The following DOCK4 variants were observed in gnomAD, a reference collection of about 807,000 sequenced individuals.
DOCK4 encodes dedicator of cytokinesis protein 4.
In DOCK4, 97 loss-of-function variants were observed where a neutral mutation model predicts 268.1. That is an observed-to-expected ratio of 0.36 (90% CI 0.31 to 0.43). The LOEUF is 0.43. Ranked by LOEUF, DOCK4 falls within the 20% of genes least tolerant of loss-of-function variation. The pLI, the probability that DOCK4 is intolerant of heterozygous loss-of-function variation, is 1.00. For missense variants in DOCK4, 2,145 were observed against 2,455.7 expected (o/e 0.87, Z 2.67); for synonymous variants, 954 against 887.2 (o/e 1.08, Z -1.34).
chr7:111,909,187 C>T (rs1562874063), intron 13 of DOCK4, among the ~76,000 whole-genome samples: 1 of 152,218 alleles, frequency 6.6e-6, no homozygotes, highest in Non-Finnish European at 1.5e-5. Flanking sequence ...TGTTTCCTGA[C>T]TTACTAATAA....
chr7:112,150,539 G>C (rs1045252669), intron 1 of DOCK4, among the ~76,000 whole-genome samples: 3 of 152,116 alleles, frequency 2.0e-5, no homozygotes, highest in Non-Finnish European at 4.4e-5. Flanking sequence ...CTATTCAAAA[G>C]CAAGTCAATC....
chr7:111,796,973 T>G (rs1034934713), intron 30 of DOCK4, among the ~76,000 whole-genome samples: 9 of 152,226 alleles, frequency 5.9e-5, no homozygotes, highest in African/African-American at 2.2e-4. Flanking sequence ...AGTCGGAGAA[T>G]GCTCCCTGTC....
chr7:112,139,232 T>C (rs1814661055), intron 1 of DOCK4, among the ~76,000 whole-genome samples: 1 of 152,142 alleles, frequency 6.6e-6, no homozygotes, highest in African/African-American at 2.4e-5. Flanking sequence ...GCAAATGGTA[T>C]GGAGGCTGGC....
chr7:111,952,305 C>G (rs1796118600), intron 8 of DOCK4, among the ~76,000 whole-genome samples: 1 of 152,120 alleles, frequency 6.6e-6, no homozygotes, highest in African/African-American at 2.4e-5. Flanking sequence ...AAATGTTCTT[C>G]CTGGTCATGC....
chr7:112,018,142 T>C (rs1366581889), intron 1 of DOCK4, among the ~76,000 whole-genome samples: 1 of 17,088 alleles, frequency 5.9e-5, no homozygotes, highest in Non-Finnish European at 8.4e-5. Context: ...AGACTCCAGC[T>C]CAAAAAAAAA....
chr7:112,202,755 T>C (rs554744624), intron 1 of DOCK4, among the ~76,000 whole-genome samples: 61 of 150,772 alleles, frequency 4.0e-4, no homozygotes, highest in African/African-American at 1.4e-3. Flanking sequence ...CAAAACCCTG[T>C]CTCTAAATTA....
At chr7:112,017,896 C>T (rs1801950805) in intron 1 of DOCK4, among the ~76,000 whole-genome samples, 1 of 152,064 alleles carries the variant, frequency 6.6e-6, no homozygotes, top group Admixed American at 6.6e-5. Flanking sequence ...TATAGGAACA[C>T]TCACATCATT....
At chr7:111,946,958 A>G (rs1795672156) in intron 8 of DOCK4, among the ~76,000 whole-genome samples, 1 of 152,204 alleles carries the variant, frequency 6.6e-6, no homozygotes, top group Non-Finnish European at 1.5e-5. Flanking sequence ...AAACCCACAA[A>G]AAATTAATCT....
At chr7:111,853,283 T>C (rs1008804608) in intron 23 of DOCK4, among the ~76,000 whole-genome samples, 1 of 151,716 alleles carries the variant, frequency 6.6e-6, no homozygotes, top group African/African-American at 2.4e-5. Context: ...CACACAAGGG[T>C]TGGCCGTTAC....
intron 3 of DOCK4, among the ~76,000 whole-genome samples, chr7:111,999,108 G>A (rs1361572246): frequency 6.6e-6 from 1 of 152,002 alleles, no homozygotes; most frequent in Non-Finnish European, 1.5e-5. Context: ...ACAAGGCAAG[G>A]AAATTGTTTC....
rs1795537937 is a variant in DOCK4 at position 111,736,933 on chromosome 7, G to C, written c.5289C>G (p.Leu1763=). The change falls in exon 50 of 53, where the codon CTC becomes CTG. Residue 1763 remains leucine (L), a synonymous_variant. Coordinates refer to ENST00000428084, the MANE Select transcript of DOCK4 (RefSeq NM_001363540.2). ...TGGCCTTACCTTTTTCAGGTGCAGA[G>C]AGATTTGGGTCACTGCGTGGCAAGG... The part of the protein sequence containing the change: ...DGALPRSDPN[L]SAPEKAVNPT... 6.2e-7 allele frequency: 1 copy of C among 1,603,316 alleles called. No individual in the cohort carries two copies. The highest frequency in any genetic ancestry group is 1.3e-5 in the African/African-American group (1 of 74,810).
At chr7:112,146,677 G>A (rs1815532797) in intron 1 of DOCK4, among the ~76,000 whole-genome samples, 2 of 152,174 alleles carry the variant, frequency 1.3e-5, no homozygotes, top group South Asian at 2.1e-4. Context: ...AGGATGCAGT[G>A]AGCCCTGATG....
intron 1 of DOCK4, among the ~76,000 whole-genome samples, chr7:112,076,696 G>T (rs1176959681): frequency 6.6e-6 from 1 of 151,876 alleles, no homozygotes; most frequent in Non-Finnish European, 1.5e-5. Flanking sequence ...GTGTGTTCAG[G>T]GTTTTATGAA....
At chr7:111,746,958 T>A (rs1796318924) in intron 43 of DOCK4, among the ~76,000 whole-genome samples, 1 of 152,046 alleles carries the variant, frequency 6.6e-6, no homozygotes, top group African/African-American at 2.4e-5. Flanking sequence ...CCCATGAACT[T>A]CTTTGCTTAG....
Position 111,728,526 on chromosome 7 carries a change from G to GGGAACCGGCACT in DOCK4, c.5675_5676insAGTGCCGGTTCC (p.Val1891_Pro1894dup). 2 of 1,613,454 alleles carry GGGAACCGGCACT rather than the reference G, an allele frequency of 1.2e-6. No individual in the cohort carries two copies. Among genetic ancestry groups the GGGAACCGGCACT allele is most frequent in the Non-Finnish European group, 1.7e-6 (2 of 1,179,844 alleles). On this transcript the variant is annotated inframe_insertion, in exon 53 of 53. Transcript: ENST00000428084. ...GCTCCTCCCCGCCGTAGCTCGGCACGGGCACCGGCACTGGCACCGGCAGGG... is the reference window on the plus strand; with the variant it reads ...GCTCCTCCCCGCCGTAGCTCGGCACGGGAACCGGCACTGGCACCGGCACTGGCACCGGCAGGG...
At chr7:111,815,625 T>G in intron 27 of DOCK4, among the ~76,000 whole-genome samples, 1 of 150,260 alleles carries the variant, frequency 6.7e-6, no homozygotes, top group South Asian at 2.1e-4. Flanking sequence ...CTTCCTTCCT[T>G]CCCCTCCCCC....
At chr7:111,951,139 A>G (rs923372589) in intron 8 of DOCK4, among the ~76,000 whole-genome samples, 7 of 152,232 alleles carry the variant, frequency 4.6e-5, no homozygotes, top group African/African-American at 1.7e-4. Flanking sequence ...ACAAACCACA[A>G]TTATTTATTA....
At position 111,736,991 on chromosome 7, in the gene DOCK4, T is replaced by TGC; in HGVS notation, c.5233-4_5233-3dup. 6.2e-7 allele frequency: 1 copy of TGC among 1,601,604 alleles called. No homozygotes were observed. The highest frequency in any genetic ancestry group is 8.5e-7 in the Non-Finnish European group (1 of 1,173,768). On this transcript the variant is annotated splice_region_variant and splice_polypyrimidine_tract_variant and intron_variant, in intron 49 of 52. Transcript: ENST00000428084. The stretch of plus-strand genomic sequence containing the variant: ...TCCAATATGATTAAACAGCATCCTC[T>TGC]GCAAAGTTACAAGGGTTGATTTTTA...
chr7:112,097,390 G>A (rs1390914602), intron 1 of DOCK4, among the ~76,000 whole-genome samples: 1 of 152,092 alleles, frequency 6.6e-6, no homozygotes, highest in Non-Finnish European at 1.5e-5. Context: ...ACTGAGCAAT[G>A]TAGTGAGATC....
Sources: allele counts gnomAD v4.1 joint callset (sites outside exome capture counted in the v4.1 genomes callset), GRCh38; gene constraint gnomAD v4.1.1; transcripts MANE v1.5; gene names NCBI Gene and HGNC (gene_info 2026-07-23, HGNC 2026-07-21).